Variants in CNTNAP5 observed in about 807,000 individuals in gnomAD.
CNTNAP5 encodes the protein contactin-associated protein-like 5.
A neutral mutation model predicts 150.2 loss-of-function variants in CNTNAP5; 72 were observed. The ratio of observed to expected loss-of-function variants is 0.48; its 90% CI spans 0.40 to 0.58. The LOEUF (loss-of-function observed/expected upper bound fraction) is 0.58, where lower values mean the gene tolerates loss of function less well. Among genes scored for constraint, CNTNAP5 ranks in the 20% least tolerant of loss-of-function variants. CNTNAP5 has a pLI of 0.00. For synonymous variants in CNTNAP5, 672 were observed against 619.8 expected (o/e 1.08, Z -1.25); for missense variants, 1,636 against 1,626.2 (o/e 1.01, Z -0.10).
intron 13 of CNTNAP5, among the ~76,000 whole-genome samples, chr2:124,709,725 A>G (rs1407509694): frequency 6.6e-6 from 1 of 152,186 alleles, no homozygotes; most frequent in East Asian, 1.9e-4. Flanking sequence ...TGCACATCAA[A>G]CAAAGATAAA....
At chr2:124,464,603 C>T (rs146428694) in intron 6 of CNTNAP5, among the ~76,000 whole-genome samples, 23 of 152,294 alleles carry the variant, frequency 1.5e-4, no homozygotes, top group Non-Finnish European at 2.6e-4. Flanking sequence ...ACATAAGTTA[C>T]AAAACGATGA....
chr2:124,482,170 C>T (rs1456635739), intron 7 of CNTNAP5, among the ~76,000 whole-genome samples: 2 of 152,196 alleles, frequency 1.3e-5, no homozygotes, highest in African/African-American at 2.4e-5. Flanking sequence ...TGACCACTCC[C>T]CCATTCGAAG....
chr2:124,553,096 TA>T (rs1695666378), intron 10 of CNTNAP5, among the ~76,000 whole-genome samples: 1 of 152,212 alleles, frequency 6.6e-6, no homozygotes, highest in Admixed American at 6.5e-5. Flanking sequence ...GTTAAGTTTT[TA>T]AAATGCCACT....
chr2:124,487,437 G>T (rs1318704386), intron 7 of CNTNAP5, among the ~76,000 whole-genome samples: 2 of 152,234 alleles, frequency 1.3e-5, no homozygotes, highest in African/African-American at 2.4e-5. Flanking sequence ...TAGGGTGAAG[G>T]TATGCTCTGA....
intron 8 of CNTNAP5, among the ~76,000 whole-genome samples, chr2:124,510,271 ATCTATATCTATATC>A: frequency 1.2e-5 from 1 of 81,200 alleles, no homozygotes; most frequent in African/African-American, 5.7e-5. Flanking sequence ...ATATCTATAT[ATCTATATCTATATC>A]TATATATCTA....
At chr2:124,320,629 A>G (rs1187740614) in intron 3 of CNTNAP5, among the ~76,000 whole-genome samples, 1 of 152,206 alleles carries the variant, frequency 6.6e-6, no homozygotes, top group Non-Finnish European at 1.5e-5. Flanking sequence ...GCACCAAAAG[A>G]AGGAAAAAAG....
intron 14 of CNTNAP5, among the ~76,000 whole-genome samples, chr2:124,756,602 T>C (rs572504547): frequency 6.6e-6 from 1 of 152,318 alleles, no homozygotes; most frequent in Admixed American, 6.5e-5. Context: ...AATGAGATCA[T>C]GTGCTTTGCA....
chr2:124,179,669 T>C (rs1685163179), intron 1 of CNTNAP5, among the ~76,000 whole-genome samples: 1 of 152,222 alleles, frequency 6.6e-6, no homozygotes, highest in Admixed American at 6.5e-5. Context: ...TTTAATTATA[T>C]GAAATGTCAG....
At chr2:124,635,572 G>A (rs1388067457) in intron 12 of CNTNAP5, among the ~76,000 whole-genome samples, 3 of 152,180 alleles carry the variant, frequency 2.0e-5, no homozygotes, top group Admixed American at 2.0e-4. Flanking sequence ...TGTTCTGATG[G>A]TCTGATGTTG....
intron 7 of CNTNAP5, among the ~76,000 whole-genome samples, chr2:124,479,736 G>T (rs147146862): frequency 2.0e-5 from 3 of 152,120 alleles, no homozygotes; most frequent in South Asian, 2.1e-4. Flanking sequence ...AAACCCAAAG[G>T]TCTCACTTCA....
intron 17 of CNTNAP5, among the ~76,000 whole-genome samples, chr2:124,788,442 C>G (rs13408705): frequency 6.6e-6 from 1 of 152,002 alleles, no homozygotes; most frequent in African/African-American, 2.4e-5. Context: ...ATAATAAGCT[C>G]ATTATTAATC....
chr2:124,207,972 T>G (rs537044845), intron 1 of CNTNAP5, among the ~76,000 whole-genome samples: 30 of 152,308 alleles, frequency 2.0e-4, no homozygotes, highest in African/African-American at 7.2e-4. Context: ...AACATTTGCT[T>G]AAGAATCACA....
intron 13 of CNTNAP5, among the ~76,000 whole-genome samples, chr2:124,728,034 TA>T (rs1029203983): frequency 1.1e-4 from 17 of 152,068 alleles, no homozygotes; most frequent in East Asian, 7.7e-4. Context: ...ATTTTGCAAA[TA>T]TTTTTTTCTG....
chr2:124,655,742 A>G (rs531910805), intron 13 of CNTNAP5, among the ~76,000 whole-genome samples: 2 of 151,832 alleles, frequency 1.3e-5, no homozygotes, highest in East Asian at 1.9e-4. Flanking sequence ...TACAAAAGAT[A>G]TTTAAAAAGT....
intron 14 of CNTNAP5, among the ~76,000 whole-genome samples, chr2:124,748,433 A>G (rs111364872): frequency 0.015 from 2,210 of 152,232 alleles, 54 homozygotes; most frequent in African/African-American, 0.051. Context: ...GTGAACTGCT[A>G]GTTTTTTACT....
At chr2:124,407,889 C>T (rs1385131718) in intron 3 of CNTNAP5, among the ~76,000 whole-genome samples, 1 of 152,086 alleles carries the variant, frequency 6.6e-6, no homozygotes, top group Non-Finnish European at 1.5e-5. Flanking sequence ...GCCAAGATGG[C>T]CGAATAGGAA....
At chr2:124,376,860 G>T (rs185244927) in intron 3 of CNTNAP5, among the ~76,000 whole-genome samples, 5 of 152,096 alleles carry the variant, frequency 3.3e-5, no homozygotes, top group Admixed American at 2.0e-4. Context: ...CATGAGTCAG[G>T]TTTCACGCAC....
intron 1 of CNTNAP5, among the ~76,000 whole-genome samples, chr2:124,040,885 G>A (rs1681353459): frequency 6.6e-6 from 1 of 152,256 alleles, no homozygotes; most frequent in South Asian, 2.1e-4. Flanking sequence ...GACAGTTGCT[G>A]TATTTTGTTG....
chr2:124,116,168 T>TA (rs746036756), intron 1 of CNTNAP5, among the ~76,000 whole-genome samples: 57 of 152,180 alleles, frequency 3.7e-4, no homozygotes, highest in Non-Finnish European at 6.5e-4. Context: ...TAGCAGCACT[T>TA]ACAGCAGAAG....
Sources: allele counts gnomAD v4.1 joint callset (sites outside exome capture counted in the v4.1 genomes callset), GRCh38; gene constraint gnomAD v4.1.1; transcripts MANE v1.5; gene names NCBI Gene and HGNC (gene_info 2026-07-23, HGNC 2026-07-21).